MKLN1: variants seen among roughly 807,000 people sequenced by gnomAD.
The protein encoded by MKLN1 is muskelin.
In MKLN1, 18 loss-of-function variants were observed where a neutral mutation model predicts 99.0. The ratio of observed to expected loss-of-function variants is 0.18; its 90% CI spans 0.13 to 0.27. MKLN1 has a LOEUF of 0.27. Ranked by LOEUF, MKLN1 falls within the 10% of genes least tolerant of loss-of-function variation. MKLN1 has a pLI of 1.00. For missense variants in MKLN1, 621 were observed against 875.9 expected (o/e 0.71, Z 3.67); for synonymous variants, 288 against 293.2 (o/e 0.98, Z 0.18).
At chr7:131,139,572 C>T (rs1180020317) in intron 1 of MKLN1, among the ~76,000 whole-genome samples, 1 of 152,214 alleles carries the variant, frequency 6.6e-6, no homozygotes, top group Non-Finnish European at 1.5e-5. Context: ...GGTGACTACA[C>T]TCCTCTCTTC....
chr7:131,341,126 A>G (rs1799395683), intron 1 of MKLN1, among the ~76,000 whole-genome samples: 1 of 151,282 alleles, frequency 6.6e-6, no homozygotes, highest in Non-Finnish European at 1.5e-5. Context: ...TAAGTTAGGG[A>G]TCATTTCCTC....
chr7:131,291,573 T>A (rs903206366), intron 3 of MKLN1, among the ~76,000 whole-genome samples: 36 of 65,074 alleles, frequency 5.5e-4, no homozygotes, highest in Admixed American at 2.1e-3. Flanking sequence ...AATACAGCTT[T>A]CATTTATTAT....
chr7:131,291,581 TA>T (rs1340232551), intron 3 of MKLN1, among the ~76,000 whole-genome samples: 414 of 5,216 alleles, frequency 0.079, 3 homozygotes, highest in Non-Finnish European at 0.11. Flanking sequence ...TTTCATTTAT[TA>T]TATATATATA....
intron 1 of MKLN1, among the ~76,000 whole-genome samples, chr7:131,332,423 G>A (rs889469199): frequency 2.0e-5 from 3 of 147,716 alleles, no homozygotes; most frequent in African/African-American, 7.4e-5. Context: ...AATACCCCAT[G>A]TCTAAGAAAA....
intron 12 of MKLN1, among the ~76,000 whole-genome samples, chr7:131,458,557 T>C (rs1212877151): frequency 6.6e-6 from 1 of 152,192 alleles, no homozygotes; most frequent in Non-Finnish European, 1.5e-5. Flanking sequence ...AAATGTCATA[T>C]ACAAGGCTCA....
chr7:131,249,653 C>T (rs1005626913), intron 3 of MKLN1, among the ~76,000 whole-genome samples: 6 of 152,124 alleles, frequency 3.9e-5, no homozygotes, highest in East Asian at 1.9e-4. Context: ...GAGTCAGGAG[C>T]GCTCTCCCAA....
chr7:131,432,326 G>A (rs753997598), intron 9 of MKLN1, among the ~76,000 whole-genome samples: 7 of 152,036 alleles, frequency 4.6e-5, no homozygotes, highest in African/African-American at 1.2e-4. Flanking sequence ...ACTTCATTCC[G>A]TTATTTTTTT....
At chr7:131,265,119 C>T (rs575890013) in intron 3 of MKLN1, among the ~76,000 whole-genome samples, 3 of 152,290 alleles carry the variant, frequency 2.0e-5, no homozygotes, top group South Asian at 2.1e-4. Flanking sequence ...GGATTACAGG[C>T]GTGAGCCACC....
intron 6 of MKLN1, among the ~76,000 whole-genome samples, chr7:131,403,511 G>A (rs1794613450): frequency 6.6e-6 from 1 of 152,142 alleles, no homozygotes; most frequent in Non-Finnish European, 1.5e-5. Flanking sequence ...TTACAACTTG[G>A]TCAACTTTAG....
At chr7:131,323,731 G>A (rs1400295265), upstream of MKLN1, 1 of 152,170 alleles carries the variant, frequency 6.6e-6, no homozygotes, top group Non-Finnish European at 1.5e-5. Context: ...GGATCAAAGT[G>A]TGGCATGTTT....
At chr7:131,210,038 A>G (rs1796877662) in intron 3 of MKLN1, among the ~76,000 whole-genome samples, 1 of 152,244 alleles carries the variant, frequency 6.6e-6, no homozygotes, top group South Asian at 2.1e-4. Context: ...TTATGAAAAA[A>G]GTAAAACTAT....
chr7:131,122,068 C>T (rs1344249324), intron 1 of MKLN1, among the ~76,000 whole-genome samples: 1 of 152,186 alleles, frequency 6.6e-6, no homozygotes, highest in African/African-American at 2.4e-5. Flanking sequence ...CTCTCGTAAG[C>T]GTTAAGCTCC....
intron 3 of MKLN1, among the ~76,000 whole-genome samples, chr7:131,275,567 A>ATATATATATTTT (rs1336398554): frequency 1.8e-4 from 1 of 5,620 alleles, no homozygotes; most frequent in Admixed American, 5.5e-3. Flanking sequence ...ATATATATAT[A>ATATATATATTTT]TTTTTTTTTT....
At chr7:131,375,175 T>C (rs559354339) in intron 1 of MKLN1, among the ~76,000 whole-genome samples, 1 of 152,296 alleles carries the variant, frequency 6.6e-6, no homozygotes, top group South Asian at 2.1e-4. Flanking sequence ...ATATAACTTT[T>C]TATTTTAAAC....
At chr7:131,173,591 T>C (rs1175247913) in intron 2 of MKLN1, among the ~76,000 whole-genome samples, 2 of 152,116 alleles carry the variant, frequency 1.3e-5, no homozygotes, top group Non-Finnish European at 2.9e-5. Context: ...TGGTCATGCA[T>C]GCCTGCAATT....
intron 3 of MKLN1, among the ~76,000 whole-genome samples, chr7:131,288,166 C>T (rs948645222): frequency 6.6e-6 from 1 of 151,928 alleles, no homozygotes; most frequent in African/African-American, 2.4e-5. Flanking sequence ...AGCCAGTGCC[C>T]TCTGGCTTAC....
chr7:131,390,832 C>A (rs1263429541), intron 4 of MKLN1, among the ~76,000 whole-genome samples: 1 of 152,008 alleles, frequency 6.6e-6, no homozygotes, highest in Non-Finnish European at 1.5e-5. Flanking sequence ...CTCTCATCAC[C>A]TTTTTAATTA....
intron 1 of MKLN1, among the ~76,000 whole-genome samples, chr7:131,352,835 G>C (rs957089485): frequency 6.6e-6 from 1 of 152,036 alleles, no homozygotes; most frequent in Non-Finnish European, 1.5e-5. Context: ...AGTGATTCCT[G>C]TTTTTGTTTC....
At chr7:131,241,830 C>T (rs2116495417) in intron 3 of MKLN1, among the ~76,000 whole-genome samples, 1 of 152,170 alleles carries the variant, frequency 6.6e-6, no homozygotes, top group Admixed American at 6.5e-5. Flanking sequence ...GATTACTTTC[C>T]CTCATTTTCT....
Sources: gnomAD v4.1 joint callset for allele counts (sites outside exome capture counted in the v4.1 genomes callset) on GRCh38, gnomAD v4.1.1 for gene constraint, MANE v1.5 for transcripts, NCBI Gene and HGNC (gene_info 2026-07-23, HGNC 2026-07-21) for gene names.